Variants in NLGN1 observed in about 807,000 individuals in gnomAD.
NLGN1 encodes neuroligin 1, also known as neuroligin-1.
A neutral mutation model predicts 65.5 loss-of-function variants in NLGN1; 12 were observed. That is an observed-to-expected ratio of 0.18 (90% CI 0.12 to 0.30). The LOEUF is 0.30. Ranked by LOEUF, NLGN1 falls within the 10% of genes least tolerant of loss-of-function variation. NLGN1 has a pLI of 1.00. For missense variants in NLGN1, 750 were observed against 1,007.1 expected, an observed-to-expected ratio of 0.74 and a Z score of 3.46; for synonymous variants, 350 against 359.5, an observed-to-expected ratio of 0.97 and a Z score of 0.30.
intron 3 of NLGN1, among the ~76,000 whole-genome samples, chr3:173,706,974 A>G (rs1768140092): frequency 6.6e-6 from 1 of 152,218 alleles, no homozygotes; most frequent in Admixed American, 6.5e-5. Context: ...ACCAAGTCAC[A>G]GCCATTTTTT....
intron 4 of NLGN1, among the ~76,000 whole-genome samples, chr3:174,111,728 A>C (rs1715262145): frequency 6.6e-6 from 1 of 151,994 alleles, no homozygotes; most frequent in Admixed American, 6.6e-5. Flanking sequence ...ATGAATTATT[A>C]GTTATTAGTA....
intron 4 of NLGN1, among the ~76,000 whole-genome samples, chr3:174,250,280 A>G (rs778066097): frequency 3.9e-5 from 6 of 152,232 alleles, no homozygotes; most frequent in Non-Finnish European, 7.3e-5. Flanking sequence ...CTGGTGATAC[A>G]ACATAGGATT....
intron 4 of NLGN1, among the ~76,000 whole-genome samples, chr3:174,182,902 C>G (rs57699992): frequency 0.2 from 29,847 of 152,152 alleles, 3,274 homozygotes; most frequent in African/African-American, 0.29. Context: ...TATTCATGCT[C>G]TAAAGTATTA....
chr3:174,102,657 T>G (rs977708314), intron 4 of NLGN1, among the ~76,000 whole-genome samples: 1 of 152,184 alleles, frequency 6.6e-6, no homozygotes, highest in African/African-American at 2.4e-5. Context: ...GCTCTCCAAT[T>G]GCAGGTGCTA....
intron 2 of NLGN1, among the ~76,000 whole-genome samples, chr3:173,553,557 G>A (rs890853650): frequency 6.6e-6 from 1 of 152,186 alleles, no homozygotes; most frequent in East Asian, 1.9e-4. Context: ...AGCCTCATAA[G>A]TAAGAGGTTT....
At chr3:173,481,548 T>TTCAAA (rs143393619) in intron 2 of NLGN1, among the ~76,000 whole-genome samples, 1,628 of 152,030 alleles carry the variant, frequency 0.011, 29 homozygotes, top group African/African-American at 0.038. Flanking sequence ...GACTTTGTTC[T>TTCAAA]TCATTTGTTT....
chr3:174,219,995 T>C (rs889471338), intron 4 of NLGN1, among the ~76,000 whole-genome samples: 3 of 151,998 alleles, frequency 2.0e-5, no homozygotes, highest in African/African-American at 7.3e-5. Context: ...GAGAATATAA[T>C]GAAGACTGTA....
chr3:174,041,237 G>C (rs1732238979), intron 4 of NLGN1, among the ~76,000 whole-genome samples: 1 of 152,022 alleles, frequency 6.6e-6, no homozygotes, highest in Non-Finnish European at 1.5e-5. Flanking sequence ...AAATTAAATA[G>C]TGTGCACTTC....
At chr3:173,961,261 C>T (rs1579433760) in intron 4 of NLGN1, among the ~76,000 whole-genome samples, 1 of 151,996 alleles carries the variant, frequency 6.6e-6, no homozygotes, top group South Asian at 2.1e-4. Flanking sequence ...CCTATTGGCT[C>T]TGTATGAAGG....
intron 4 of NLGN1, among the ~76,000 whole-genome samples, chr3:174,177,148 T>C (rs1729607392): frequency 1.3e-5 from 2 of 152,218 alleles, no homozygotes; most frequent in Admixed American, 6.6e-5. Flanking sequence ...ATCTCAGAGA[T>C]TTGGGCTGTA....
chr3:174,261,402 T>C (rs1411292756), intron 4 of NLGN1, among the ~76,000 whole-genome samples: 3 of 147,408 alleles, frequency 2.0e-5, no homozygotes, highest in Non-Finnish European at 3.0e-5. Context: ...GTCCTTCACA[T>C]CCCTTGTAAG....
chr3:173,398,856 A>G (rs939070491), intron 1 of NLGN1, among the ~76,000 whole-genome samples: 2 of 152,196 alleles, frequency 1.3e-5, no homozygotes, highest in African/African-American at 2.4e-5. Context: ...CATGCTGTAC[A>G]TGAAAATTAC....
intron 3 of NLGN1, among the ~76,000 whole-genome samples, chr3:173,806,895 A>G (rs558597773): frequency 2.6e-5 from 4 of 152,304 alleles, no homozygotes; most frequent in African/African-American, 4.8e-5. Context: ...TCCCATGTCT[A>G]CATGATAAAA....
intron 3 of NLGN1, among the ~76,000 whole-genome samples, chr3:173,638,538 G>A (rs953524899): frequency 2.0e-5 from 3 of 151,966 alleles, no homozygotes; most frequent in African/African-American, 7.3e-5. Flanking sequence ...CACCTGCTGA[G>A]CATGTGAGGT....
chr3:174,111,930 G>A (rs776261295), intron 4 of NLGN1, among the ~76,000 whole-genome samples: 18 of 151,800 alleles, frequency 1.2e-4, no homozygotes, highest in Non-Finnish European at 2.1e-4. Flanking sequence ...TAAACATATC[G>A]ACTCTTGGAT....
chr3:173,769,520 T>C (rs1336118568), intron 3 of NLGN1, among the ~76,000 whole-genome samples: 2 of 152,322 alleles, frequency 1.3e-5, no homozygotes, highest in East Asian at 1.9e-4. Context: ...TGACAACTCA[T>C]GCATGTGCCT....
intron 2 of NLGN1, among the ~76,000 whole-genome samples, chr3:173,486,184 A>G (rs1002171689): frequency 3.9e-5 from 6 of 152,106 alleles, no homozygotes; most frequent in Non-Finnish European, 7.4e-5. Flanking sequence ...AGCTGGGATT[A>G]CAGGCATGCG....
At chr3:174,017,862 G>C (rs945404798) in intron 4 of NLGN1, among the ~76,000 whole-genome samples, 1 of 152,080 alleles carries the variant, frequency 6.6e-6, no homozygotes, top group Non-Finnish European at 1.5e-5. Flanking sequence ...TGAAGTTTCG[G>C]GCACGTGTTG....
intron 4 of NLGN1, among the ~76,000 whole-genome samples, chr3:174,086,634 T>A (rs1743453797): frequency 6.6e-6 from 1 of 151,850 alleles, no homozygotes; most frequent in African/African-American, 2.4e-5. Flanking sequence ...AAAATTTTAA[T>A]AGCCTTTGTA....
Sources: allele counts gnomAD v4.1 joint callset (sites outside exome capture counted in the v4.1 genomes callset), GRCh38; gene constraint gnomAD v4.1.1; transcripts MANE v1.5; gene names NCBI Gene and HGNC (gene_info 2026-07-23, HGNC 2026-07-21).